The following CPNE8 variants were observed in gnomAD, a reference collection of about 807,000 sequenced individuals.
CPNE8 encodes the protein copine 8.
CPNE8 carries 45 observed loss-of-function variants against 81.5 expected under a neutral mutation model. That is an observed-to-expected ratio of 0.55 (90% confidence interval 0.44 to 0.71). The LOEUF is 0.71. CPNE8 is among the 30% of genes least tolerant of loss of function. CPNE8 has a pLI of 0.00. For synonymous variants in CPNE8, 252 were observed against 226.3 expected (o/e 1.11, Z -1.02); for missense variants, 594 against 672.1 (o/e 0.88, Z 1.28).
intron 3 of CPNE8, among the ~76,000 whole-genome samples, chr12:38,856,965 T>G (rs956011353): frequency 6.6e-6 from 1 of 151,212 alleles, no homozygotes; most frequent in Non-Finnish European, 1.5e-5. Context: ...GTATCAGGGT[T>G]TTTTTTTTCA....
At chr12:38,820,733 T>G (rs942325522) in intron 6 of CPNE8, among the ~76,000 whole-genome samples, 3 of 152,184 alleles carry the variant, frequency 2.0e-5, no homozygotes, top group Admixed American at 2.0e-4. Context: ...TAGGCAAATA[T>G]AAACAAAAAT....
At chr12:38,873,455 G>C (rs1944021058) in intron 2 of CPNE8, among the ~76,000 whole-genome samples, 1 of 152,140 alleles carries the variant, frequency 6.6e-6, no homozygotes, top group Non-Finnish European at 1.5e-5. Context: ...GGCAAGTCAT[G>C]CTCTACATTT....
At chr12:38,816,111 C>T (rs1943020360) in intron 6 of CPNE8, among the ~76,000 whole-genome samples, 1 of 152,040 alleles carries the variant, frequency 6.6e-6, no homozygotes, top group Non-Finnish European at 1.5e-5. Context: ...TGTAGCAAGG[C>T]TATTATAATT....
chr12:38,816,671 A>G (rs1449502724), intron 6 of CPNE8, among the ~76,000 whole-genome samples: 2 of 152,264 alleles, frequency 1.3e-5, no homozygotes, highest in Non-Finnish European at 2.9e-5. Flanking sequence ...GAAATTGTAT[A>G]TTTATTTTAA....
intron 6 of CPNE8, among the ~76,000 whole-genome samples, chr12:38,813,314 G>T (rs1048162067): frequency 6.6e-6 from 1 of 152,148 alleles, no homozygotes; most frequent in Non-Finnish European, 1.5e-5. Context: ...GCTACACAAG[G>T]GTAGTGGAGG....
chr12:38,710,128 C>T (rs1445357206), intron 13 of CPNE8, among the ~76,000 whole-genome samples: 2 of 152,002 alleles, frequency 1.3e-5, no homozygotes, highest in Non-Finnish European at 2.9e-5. Flanking sequence ...AATACTACTA[C>T]TCCAAAATAC....
intron 6 of CPNE8, among the ~76,000 whole-genome samples, chr12:38,822,408 G>A (rs2137009010): frequency 6.6e-6 from 1 of 152,202 alleles, no homozygotes; most frequent in Middle Eastern, 3.4e-3. Flanking sequence ...TAAACTTGCT[G>A]AATTCCTAGC....
In CPNE8 at chr12:38,776,893, C is replaced by T. The variant is rs371926855; in HGVS notation, c.408-592G>A. Among the ~76,000 whole-genome samples the T allele has an allele frequency of 8.2e-4, 125 of 152,026 alleles. No individual in the cohort carries two copies. In the East Asian group the frequency reaches 9.1e-3, roughly 11 times the overall value. On this transcript the variant is annotated intron_variant, in intron 6 of 19. Coordinates refer to ENST00000331366, the MANE Select transcript of CPNE8 (RefSeq NM_153634.3). ...TGAGGCAAACAAATCTACTGTGCTGCCAGTCATACAAAGTATGTATGTACA... is the reference window on the plus strand; with the variant it reads ...TGAGGCAAACAAATCTACTGTGCTGTCAGTCATACAAAGTATGTATGTACA...
chr12:38,880,135 CAT>C (rs1481327616), intron 1 of CPNE8, among the ~76,000 whole-genome samples: 17 of 152,230 alleles, frequency 1.1e-4, no homozygotes, highest in Non-Finnish European at 2.1e-4. Flanking sequence ...AAATTTTCCA[CAT>C]GTGGACAGAG....
At chr12:38,819,629 T>G (rs1943081455) in intron 6 of CPNE8, among the ~76,000 whole-genome samples, 1 of 151,676 alleles carries the variant, frequency 6.6e-6, no homozygotes, top group Non-Finnish European at 1.5e-5. Flanking sequence ...TAGCCGGGCG[T>G]GATGGCGGGC....
intron 6 of CPNE8, among the ~76,000 whole-genome samples, chr12:38,801,532 G>T (rs1186204393): frequency 1.4e-3 from 24 of 16,936 alleles, no homozygotes; most frequent in Non-Finnish European, 2.3e-3. Flanking sequence ...AGGAACAACC[G>T]GTACCAGCCG....
intron 15 of CPNE8, among the ~76,000 whole-genome samples, chr12:38,689,067 G>A (rs764987493): frequency 6.6e-6 from 1 of 152,166 alleles, no homozygotes; most frequent in Non-Finnish European, 1.5e-5. Context: ...TTGTGGTTCT[G>A]ACACAAAAGT....
chr12:38,739,206 A>G (rs1178182780), intron 10 of CPNE8, among the ~76,000 whole-genome samples: 2 of 152,220 alleles, frequency 1.3e-5, no homozygotes, highest in African/African-American at 4.8e-5. Context: ...GAAGAGTGTT[A>G]CTTTATGAAA....
chr12:38,872,917 T>A (rs1453887939), intron 3 of CPNE8, 87 bp downstream of exon 3: 7 of 778,038 alleles, frequency 9.0e-6, no homozygotes, highest in Middle Eastern at 2.3e-4. Context: ...GGACTTACAA[T>A]GGAAAATAGA....
chr12:38,869,416 T>C (rs1053875449), intron 3 of CPNE8, among the ~76,000 whole-genome samples: 1 of 152,204 alleles, frequency 6.6e-6, no homozygotes, highest in African/African-American at 2.4e-5. Context: ...ATCATTATCA[T>C]TATTTCTCAT....
At chr12:38,774,586 T>C (rs899059036) in intron 7 of CPNE8, among the ~76,000 whole-genome samples, 7 of 145,488 alleles carry the variant, frequency 4.8e-5, no homozygotes, top group Admixed American at 1.5e-4. Context: ...CTTAATGTTA[T>C]GGTAGTTAAT....
chr12:38,659,950 C>G (rs757554295), intron 19 of CPNE8, among the ~76,000 whole-genome samples: 6 of 152,060 alleles, frequency 3.9e-5, no homozygotes, highest in Non-Finnish European at 8.8e-5. Context: ...AACCACTGCT[C>G]AATGAAATAA....
intron 8 of CPNE8, 44 bp downstream of exon 8, chr12:38,767,591 A>G (rs1941715494): frequency 1.8e-6 from 2 of 1,099,064 alleles, no homozygotes; most frequent in Admixed American, 5.6e-5. Flanking sequence ...TAATTCAAGT[A>G]TCATCATTAC....
chr12:38,694,515 A>C (rs1175171258), intron 14 of CPNE8, among the ~76,000 whole-genome samples: 1 of 152,216 alleles, frequency 6.6e-6, no homozygotes, highest in African/African-American at 2.4e-5. Context: ...AGTGATTAAA[A>C]ATAATAAAGC....
Sources: allele counts gnomAD v4.1 joint callset (sites outside exome capture counted in the v4.1 genomes callset), GRCh38; gene constraint gnomAD v4.1.1; transcripts MANE v1.5; gene names NCBI Gene and HGNC (gene_info 2026-07-23, HGNC 2026-07-21).